The following ADGRL1 variants were observed in gnomAD, a reference collection of about 807,000 sequenced individuals.
ADGRL1 encodes the protein CIRL-1.
Under a neutral mutation model 148.9 loss-of-function variants are expected in ADGRL1, and 31 were observed. The ratio of observed to expected loss-of-function variants is 0.21; its 90% CI spans 0.16 to 0.28. The LOEUF (loss-of-function observed/expected upper bound fraction) is 0.28. Ranked by LOEUF, ADGRL1 falls within the 10% of genes least tolerant of loss-of-function variation. The probability of loss-of-function intolerance (pLI) is 1.00; values close to 1 mark genes in which losing one functional copy is unlikely to be tolerated. For synonymous variants in ADGRL1, 937 were observed against 900.3 expected (o/e 1.04, Z -0.73); for missense variants, 1,521 against 2,058.8 (o/e 0.74, Z 5.05).
At chr19:14,166,987 G>A in intron 4 of ADGRL1, 1 of 1,610,622 alleles carries the variant, frequency 6.2e-7, no homozygotes, top group African/African-American at 1.3e-5. Context: ...GTGTGAGTTA[G>A]GGGTTAGCAT....
intron 1 of ADGRL1, among the ~76,000 whole-genome samples, chr19:14,196,545 G>A (rs1461615613): frequency 4.6e-5 from 7 of 152,110 alleles, no homozygotes; most frequent in Non-Finnish European, 7.4e-5. Context: ...TCTTGAGCCC[G>A]GGTGGTGGAG....
intron 3 of ADGRL1, among the ~76,000 whole-genome samples, chr19:14,173,520 G>GT (rs1306447146): frequency 2.0e-5 from 3 of 152,214 alleles, no homozygotes; most frequent in Non-Finnish European, 4.4e-5. Context: ...CGTTTCCCCA[G>GT]TGGGTAAGTG....
Position 14,160,717 on chromosome 19 carries a change from G to C in ADGRL1, c.1511-21C>G, listed in dbSNP as rs745501440. 10 of 1,438,880 alleles carry C rather than the reference G, an allele frequency of 6.9e-6. No homozygotes were observed. In the Admixed American group the frequency reaches 1.7e-4, roughly 25 times the overall value. 89.1% of individuals were successfully genotyped at this position (1,438,880 alleles called of 1,614,324 possible). A position where few individuals can be genotyped will look rare whatever the true frequency, so the allele number is the denominator to read the frequency against. Reference sequence around the variant, plus strand: ...AATTCCTGCAGGGACAGACAGACAGGAACAGACAAGGGAGCCAAAGGGAAG... The same window carrying C: ...AATTCCTGCAGGGACAGACAGACAGCAACAGACAAGGGAGCCAAAGGGAAG... On this transcript the variant is annotated intron_variant, in intron 6 of 22. Transcript: ENST00000361434. The surrounding 1 kb of genome is among the most constrained non-coding windows in gnomAD (Gnocchi z 5.9).
In ADGRL1 at chr19:14,167,096, GAA is replaced by G; in HGVS notation, c.394+3584_394+3585del. ...AAAAAAAATGTGCAAGAAAAAAAGA[GAA>G]AAAAAAAGAGATTAAATTGCTTTCG... On this transcript the variant is annotated intron_variant, in intron 4 of 22. Coordinates refer to ENST00000361434, the MANE Select transcript of ADGRL1 (RefSeq NM_014921.5). The G allele has an allele frequency of 1.1e-5, 14 of 1,301,708 alleles. No homozygotes were observed. The South Asian group carries it at 1.5e-4, about 14-fold the overall frequency. 80.6% of individuals were successfully genotyped at this position (1,301,708 alleles called of 1,614,324 possible). A position where few individuals can be genotyped will look rare whatever the true frequency, so the allele number is the denominator to read the frequency against.
At chr19:14,198,896 T>G (rs55647077) in intron 1 of ADGRL1, among the ~76,000 whole-genome samples, 14,671 of 152,206 alleles carry the variant, frequency 0.096, 1,142 homozygotes, top group African/African-American at 0.22. Flanking sequence ...CAGTGGCCTG[T>G]GGTCTGTTTC....
At chr19:14,201,385 A>G (rs1249280527) in intron 1 of ADGRL1, among the ~76,000 whole-genome samples, 1 of 145,836 alleles carries the variant, frequency 6.9e-6, no homozygotes, top group Non-Finnish European at 1.5e-5. Flanking sequence ...CTCCCCCCAA[A>G]TTTTGGAACA....
intron 3 of ADGRL1, among the ~76,000 whole-genome samples, chr19:14,172,432 A>G (rs1427613457): frequency 6.6e-6 from 1 of 151,486 alleles, no homozygotes; most frequent in Non-Finnish European, 1.5e-5. Context: ...AAACAAAACA[A>G]AAGAAAACAA....
At chr19:14,176,057 A>C (rs1970802669) in intron 3 of ADGRL1, among the ~76,000 whole-genome samples, 1 of 151,388 alleles carries the variant, frequency 6.6e-6, no homozygotes, top group South Asian at 2.1e-4. Flanking sequence ...CTGTCTCAAA[A>C]ATAAACAAAA....
intron 1 of ADGRL1, among the ~76,000 whole-genome samples, chr19:14,198,955 A>T (rs1257023068): frequency 6.6e-6 from 1 of 152,198 alleles, no homozygotes; most frequent in African/African-American, 2.4e-5. Context: ...CTCTGAGCTC[A>T]GCAGAGCAGA....
intron 1 of ADGRL1, among the ~76,000 whole-genome samples, chr19:14,198,931 C>T (rs929674116): frequency 2.6e-5 from 4 of 152,290 alleles, no homozygotes; most frequent in African/African-American, 9.6e-5. Flanking sequence ...CACTGTCCAG[C>T]CCCAACCTTT....
intron 1 of ADGRL1, among the ~76,000 whole-genome samples, chr19:14,188,022 G>GA (rs1296115803): frequency 6.6e-6 from 1 of 152,064 alleles, no homozygotes; most frequent in Non-Finnish European, 1.5e-5. Context: ...TTGAGCCCAG[G>GA]AGTTTGCAAG....
chr19:14,200,411 G>A (rs1972523069), intron 1 of ADGRL1, among the ~76,000 whole-genome samples: 1 of 152,146 alleles, frequency 6.6e-6, no homozygotes, highest in Non-Finnish European at 1.5e-5. Flanking sequence ...GGCGTTCTGG[G>A]GCAGGGTCGG....
At chr19:14,187,853 T>C (rs186041812) in intron 1 of ADGRL1, among the ~76,000 whole-genome samples, 18 of 152,174 alleles carry the variant, frequency 1.2e-4, no homozygotes, top group African/African-American at 3.6e-4. Flanking sequence ...GTCCCCAAGC[T>C]GAGGATACTC....
intron 2 of ADGRL1, among the ~76,000 whole-genome samples, chr19:14,179,675 G>C (rs1351195653): frequency 1.3e-5 from 2 of 152,054 alleles, no homozygotes; most frequent in Non-Finnish European, 2.9e-5. Context: ...GGGAGGTCGA[G>C]GTGGGCGAAT....
At chr19:14,173,943 C>CAAG (rs1555788037) in intron 3 of ADGRL1, among the ~76,000 whole-genome samples, 2 of 32,968 alleles carry the variant, frequency 6.1e-5, no homozygotes, top group African/African-American at 2.3e-4. Context: ...GACTCCGTCT[C>CAAG]AAAAAAAAAA....
intron 4 of ADGRL1, among the ~76,000 whole-genome samples, chr19:14,167,669 GAGA>G (rs1216324631): frequency 6.6e-6 from 1 of 152,068 alleles, no homozygotes; most frequent in African/African-American, 2.4e-5. Flanking sequence ...CAAACACAGA[GAGA>G]AGGTGGCAGA....
rs1968804897 is a variant in ADGRL1 at position 14,156,768 on chromosome 19, C to G, written c.2967-44G>C. On this transcript the variant is annotated intron_variant, in intron 15 of 22. Transcript: ENST00000361434. ...CGGGGTATAGAGAGAAGCCGAGGAG[C>G]CATTCCCAGCGACTCATGAAGGCCT... The G allele has an allele frequency of 2.5e-6, 4 of 1,574,440 alleles. No individual in the cohort carries two copies. The East Asian group carries it at 9.3e-5, about 36-fold the overall frequency.
chr19:14,150,612 G>T lies in ADGRL1; in HGVS notation c.*261C>A. 2.0e-6 allele frequency: 1 copy of T among 509,848 alleles called. No homozygotes were observed. Among genetic ancestry groups the T allele is most frequent in the Non-Finnish European group, 3.5e-6 (1 of 289,698 alleles). 31.6% of individuals were successfully genotyped at this position (509,848 alleles called of 1,614,324 possible). On this transcript the variant is annotated 3_prime_UTR_variant, in exon 23 of 23. Transcript: ENST00000361434. ...AAGTTCTCCCTCCTCACTCCCCTGGGGTCCTCTGGGCTCCTCCTCACTACA... is the reference window on the plus strand; with the variant it reads ...AAGTTCTCCCTCCTCACTCCCCTGGTGTCCTCTGGGCTCCTCCTCACTACA...
At chr19:14,156,567 G>GTGT (rs766748108) in intron 16 of ADGRL1, 91 bp downstream of exon 16, 179 of 803,086 alleles carry the variant, frequency 2.2e-4, no homozygotes, top group Middle Eastern at 3.6e-4. Flanking sequence ...GTGTGTGTGT[G>GTGT]GGGGGGGTGG....
Sources: gnomAD v4.1 joint callset for allele counts (sites outside exome capture counted in the v4.1 genomes callset) on GRCh38, gnomAD v4.1.1 for gene constraint, Gnocchi (gnomAD v3.1) non-coding constraint, MANE v1.5 for transcripts, NCBI Gene and HGNC (gene_info 2026-07-23, HGNC 2026-07-21) for gene names.